TMOD3: variants seen among roughly 807,000 people sequenced by gnomAD.
TMOD3 encodes the protein tropomodulin-3.
Under a neutral mutation model 39.2 loss-of-function variants are expected in TMOD3, and 20 were observed. The observed-to-expected ratio is 0.51, with a 90% CI of 0.36 to 0.74. TMOD3 has a LOEUF of 0.74. Among genes scored for constraint, TMOD3 ranks in the 30% least tolerant of loss-of-function variants. The pLI is 0.00. For synonymous variants in TMOD3, 143 were observed against 145.8 expected (o/e 0.98, Z 0.14); for missense variants, 381 against 412.8 (o/e 0.92, Z 0.67).
chr15:51,866,809 G>T (rs1254753938), intron 2 of TMOD3, among the ~76,000 whole-genome samples: 1 of 152,194 alleles, frequency 6.6e-6, no homozygotes, highest in Non-Finnish European at 1.5e-5. Flanking sequence ...ATACAAGAAT[G>T]AGCAAAACAA....
chr15:51,846,820 A>G lies in TMOD3; in HGVS notation c.-74-15991A>G, dbSNP rs1455700416. ...ATTTCTTTTTTTTAAAGATATTTTGAGTTTGCAACAACTGGGAAAAAACAT... is the reference window on the plus strand; with the variant it reads ...ATTTCTTTTTTTTAAAGATATTTTGGGTTTGCAACAACTGGGAAAAAACAT... On this transcript the variant is annotated intron_variant, in intron 1 of 9. Coordinates refer to ENST00000308580, the MANE Select transcript of TMOD3 (RefSeq NM_014547.5). Among the ~76,000 whole-genome samples the G allele has an allele frequency of 3.3e-5, 5 of 152,274 alleles. No homozygotes were observed. The East Asian group carries it at 9.6e-4, about 29-fold the overall frequency.
At chr15:51,855,508 A>C (rs1385262184) in intron 1 of TMOD3, among the ~76,000 whole-genome samples, 1 of 152,266 alleles carries the variant, frequency 6.6e-6, no homozygotes, top group Non-Finnish European at 1.5e-5. Flanking sequence ...TACCTGGCAG[A>C]ACTTGCTTAT....
At chr15:51,860,292 A>G (rs2056410715) in intron 1 of TMOD3, 4 of 530,336 alleles carry the variant, frequency 7.5e-6, no homozygotes, top group Non-Finnish European at 1.5e-5. Context: ...ACCTTAAATT[A>G]TGCTTACAGA....
chr15:51,858,272 T>A (rs1347131318), intron 1 of TMOD3: 1 of 152,266 alleles, frequency 6.6e-6, no homozygotes, highest in African/African-American at 2.4e-5. Flanking sequence ...CAGGCTAGTT[T>A]CAAACTCCTG....
At position 51,876,774 on chromosome 15, in the gene TMOD3, TA is replaced by T. The variant is rs201348584; in HGVS notation, c.283+7412del. Among the ~76,000 whole-genome samples the T allele has an allele frequency of 1.6e-4, 24 of 149,544 alleles. 1 individual carries two copies. Among genetic ancestry groups the T allele is most frequent in the Admixed American group, 8.0e-4 (12 of 15,014 alleles). On this transcript the variant is annotated intron_variant, in intron 3 of 9. Coordinates refer to ENST00000308580, the MANE Select transcript of TMOD3 (RefSeq NM_014547.5). Reference sequence around the variant, plus strand: ...CCGCACCCGGCCCCAGCGCTTTTTTTAAAAAAAAAAATCTTCCGTCCAGGCA... The same window carrying T: ...CCGCACCCGGCCCCAGCGCTTTTTTTAAAAAAAAAATCTTCCGTCCAGGCA...
At chr15:51,860,507 A>C (rs2056411886) in intron 1 of TMOD3, 1 of 577,222 alleles carries the variant, frequency 1.7e-6, no homozygotes, top group Non-Finnish European at 3.4e-6. Context: ...GTTGCCTTGC[A>C]CTTTCTGAAG....
At chr15:51,830,887 A>G (rs938250196) in intron 1 of TMOD3, among the ~76,000 whole-genome samples, 2 of 152,218 alleles carry the variant, frequency 1.3e-5, no homozygotes, top group Admixed American at 1.3e-4. Flanking sequence ...AGAGTCAGCA[A>G]TCATAATAGT....
intron 9 of TMOD3, among the ~76,000 whole-genome samples, chr15:51,902,903 G>A (rs1405131591): frequency 4.0e-5 from 6 of 151,862 alleles, no homozygotes; most frequent in South Asian, 2.1e-4. Context: ...CACCCGCCTC[G>A]GCCTCCCAAA....
At chr15:51,869,141 T>C in intron 2 of TMOD3, 76 bp from the exon 3 acceptor site, 2 of 1,503,846 alleles carry the variant, frequency 1.3e-6, no homozygotes, top group Non-Finnish European at 9.0e-7. Flanking sequence ...AATTCTTTTT[T>C]ATATGGGTAA....
chr15:51,837,253 A>C (rs995841655), intron 1 of TMOD3, among the ~76,000 whole-genome samples: 11 of 152,124 alleles, frequency 7.2e-5, no homozygotes, highest in Non-Finnish European at 1.5e-4. Flanking sequence ...AACTTTGATG[A>C]GGAGTTAAGG....
chr15:51,872,696 C>G (rs988413919), intron 3 of TMOD3, among the ~76,000 whole-genome samples: 1 of 149,500 alleles, frequency 6.7e-6, no homozygotes, highest in Non-Finnish European at 1.5e-5. Flanking sequence ...GACTCCTGGG[C>G]TCAAACGATT....
Position 51,850,498 on chromosome 15 carries a change from A to AGT in TMOD3, c.-74-12311_-74-12310dup, listed in dbSNP as rs1441901518. On this transcript the variant is annotated intron_variant, in intron 1 of 9. Coordinates refer to ENST00000308580, the MANE Select transcript of TMOD3 (RefSeq NM_014547.5). ...AAATATTAAGGTAAGGTCATCAGAG[A>AGT]GTGAGGGGTAGGCAGTATTGAAGGT... Among the ~76,000 whole-genome samples, 3 of 152,286 alleles carry AGT rather than the reference A, an allele frequency of 2.0e-5. No homozygotes were observed. The East Asian group carries it at 5.8e-4, about 29-fold the overall frequency.
chr15:51,871,534 A>G (rs1012390068), intron 3 of TMOD3, among the ~76,000 whole-genome samples: 3 of 152,204 alleles, frequency 2.0e-5, no homozygotes, highest in African/African-American at 7.2e-5. Context: ...TAAGAAGGAG[A>G]AAAAATAAGA....
chr15:51,903,499 C>A (rs574699855), intron 9 of TMOD3, among the ~76,000 whole-genome samples: 9 of 152,312 alleles, frequency 5.9e-5, no homozygotes, highest in South Asian at 4.1e-4. Flanking sequence ...CACTTCATTT[C>A]TTTAATCCAG....
chr15:51,855,382 G>C (rs2056382870), intron 1 of TMOD3, among the ~76,000 whole-genome samples: 1 of 152,214 alleles, frequency 6.6e-6, no homozygotes, highest in Non-Finnish European at 1.5e-5. Flanking sequence ...AGCCCACCAG[G>C]AGATTATGAT....
At chr15:51,849,233 G>A (rs1231387199) in intron 1 of TMOD3, among the ~76,000 whole-genome samples, 2 of 152,192 alleles carry the variant, frequency 1.3e-5, no homozygotes, top group African/African-American at 4.8e-5. Context: ...CTAAAGAATG[G>A]TGTTGCTGTT....
chr15:51,877,676 G>A (rs2141694252), intron 3 of TMOD3, among the ~76,000 whole-genome samples: 1 of 146,496 alleles, frequency 6.8e-6, no homozygotes, highest in South Asian at 2.2e-4. Flanking sequence ...GCAAAACTCT[G>A]TCTTAAAAAA....
chr15:51,830,996 C>G (rs2056252213), intron 1 of TMOD3, among the ~76,000 whole-genome samples: 1 of 152,168 alleles, frequency 6.6e-6, no homozygotes. Context: ...TTTTGCAACT[C>G]TCAGAAATTG....
chr15:51,902,644 A>AT (rs200954393), intron 9 of TMOD3, among the ~76,000 whole-genome samples: 25 of 95,014 alleles, frequency 2.6e-4, no homozygotes, highest in East Asian at 7.6e-4. Context: ...TAATTTTTGT[A>AT]TTTTTTTTTT....
Sources: gnomAD v4.1 joint callset for allele counts (sites outside exome capture counted in the v4.1 genomes callset) on GRCh38, gnomAD v4.1.1 for gene constraint, MANE v1.5 for transcripts, NCBI Gene and HGNC (gene_info 2026-07-23, HGNC 2026-07-21) for gene names.